RBFOX1: variants seen among roughly 807,000 people sequenced by gnomAD.
The protein encoded by RBFOX1 is RNA binding protein fox-1 homolog 1.
In RBFOX1, 8 loss-of-function variants were observed where a neutral mutation model predicts 57.7. The observed-to-expected ratio is 0.14, with a 90% CI of 0.08 to 0.25. The LOEUF (loss-of-function observed/expected upper bound fraction) is 0.25, where lower values mean the gene tolerates loss of function less well. RBFOX1 is among the 10% of genes least tolerant of loss of function. The pLI is 1.00. For missense variants in RBFOX1, 611 were observed against 548.5 expected, an observed-to-expected ratio of 1.11 and a Z score of -1.14; for synonymous variants, 326 against 222.4, an observed-to-expected ratio of 1.47 and a Z score of -4.15.
At chr16:6,756,953 C>T (rs1287600676) in intron 3 of RBFOX1, among the ~76,000 whole-genome samples, 5 of 151,644 alleles carry the variant, frequency 3.3e-5, no homozygotes, top group Non-Finnish European at 5.9e-5. Flanking sequence ...CCAGCCTGGG[C>T]ACCAAGGGCG....
chr16:5,816,703 G>T (rs759586369), intron 3 of RBFOX1, among the ~76,000 whole-genome samples: 11 of 152,120 alleles, frequency 7.2e-5, no homozygotes, highest in Admixed American at 6.6e-4. Context: ...AGGATTGTTT[G>T]AGCCTGGGAG....
At chr16:6,669,019 C>T (rs949184900) in intron 3 of RBFOX1, among the ~76,000 whole-genome samples, 1 of 151,894 alleles carries the variant, frequency 6.6e-6, no homozygotes, top group South Asian at 2.1e-4. Flanking sequence ...TTTTATTATC[C>T]CACTTCTTGA....
intron 4 of RBFOX1, among the ~76,000 whole-genome samples, chr16:5,952,531 C>T (rs2059542199): frequency 6.6e-6 from 1 of 152,114 alleles, no homozygotes; most frequent in African/African-American, 2.4e-5. Flanking sequence ...AGGTGATCTG[C>T]CCACCTTGGC....
intron 2 of RBFOX1, among the ~76,000 whole-genome samples, chr16:6,466,036 C>T (rs567921980): frequency 6.0e-4 from 91 of 152,012 alleles, no homozygotes; most frequent in African/African-American, 2.1e-3. Context: ...TGAGACCAGC[C>T]TGGTCAACAT....
At chr16:6,218,570 A>G (rs1311727221) in intron 1 of RBFOX1, among the ~76,000 whole-genome samples, 1 of 152,088 alleles carries the variant, frequency 6.6e-6, no homozygotes, top group East Asian at 1.9e-4. Context: ...TCGGCCTCCC[A>G]AAGTGCTGGG....
At chr16:5,790,881 T>G (rs1192669834) in intron 3 of RBFOX1, among the ~76,000 whole-genome samples, 4 of 151,612 alleles carry the variant, frequency 2.6e-5, no homozygotes, top group Admixed American at 6.6e-5. Flanking sequence ...TTTGTTTTTT[T>G]TTTTTGAGAC....
Position 6,917,889 on chromosome 16 carries a change from G to A in RBFOX1, c.-15-134168G>A, listed in dbSNP as rs191641345. Among the ~76,000 whole-genome samples, 416 of 152,286 alleles carry A rather than the reference G, an allele frequency of 2.7e-3. 2 individuals are homozygous for A. The highest frequency in any genetic ancestry group is 9.2e-3 in the African/African-American group (381 of 41,568). On this transcript the variant is annotated intron_variant, in intron 3 of 15. Coordinates refer to ENST00000550418, the MANE Select transcript of RBFOX1 (RefSeq NM_018723.4). ...AAATACCAAGAAACTGACACAAGTCGAAAGAGGGACAATGGAGACCTGGGT... is the reference window on the plus strand; with the variant it reads ...AAATACCAAGAAACTGACACAAGTCAAAAGAGGGACAATGGAGACCTGGGT...
chr16:7,564,947 C>A (rs574578914), intron 5 of RBFOX1, among the ~76,000 whole-genome samples: 27 of 152,260 alleles, frequency 1.8e-4, no homozygotes, highest in Admixed American at 1.2e-3. Context: ...TTTCTTAAAT[C>A]TGTGTCACCT....
chr16:5,442,945 G>C (rs889102041), intron 1 of RBFOX1, among the ~76,000 whole-genome samples: 16 of 152,156 alleles, frequency 1.1e-4, no homozygotes, highest in Admixed American at 9.2e-4. Context: ...AAGAAGAGAA[G>C]AAGACACAGA....
At chr16:7,085,220 C>T (rs1321540314) in intron 4 of RBFOX1, among the ~76,000 whole-genome samples, 1 of 152,100 alleles carries the variant, frequency 6.6e-6, no homozygotes, top group Non-Finnish European at 1.5e-5. Flanking sequence ...TGCCAAATAA[C>T]ATCTGATTCC....
intron 4 of RBFOX1, among the ~76,000 whole-genome samples, chr16:7,159,730 T>C (rs1241607450): frequency 1.3e-5 from 2 of 152,298 alleles, no homozygotes; most frequent in African/African-American, 4.8e-5. Context: ...TTGGATAGCC[T>C]GACAAGACCC....
At chr16:5,972,636 G>A (rs987264927) in intron 4 of RBFOX1, among the ~76,000 whole-genome samples, 4 of 152,200 alleles carry the variant, frequency 2.6e-5, no homozygotes, top group African/African-American at 7.2e-5. Context: ...GTTCAGGCAC[G>A]TAATGGACCA....
chr16:7,256,253 C>T (rs1453654786), intron 4 of RBFOX1, among the ~76,000 whole-genome samples: 2 of 152,160 alleles, frequency 1.3e-5, no homozygotes, highest in African/African-American at 2.4e-5. Flanking sequence ...CCCCTGCTCC[C>T]AAAAGCCAGG....
At chr16:6,332,869 C>A (rs990419505) in intron 2 of RBFOX1, among the ~76,000 whole-genome samples, 9 of 152,104 alleles carry the variant, frequency 5.9e-5, no homozygotes, top group African/African-American at 2.2e-4. Context: ...ATTGATGATG[C>A]CCATCTCTTA....
At chr16:6,823,719 A>G (rs747811198) in intron 3 of RBFOX1, among the ~76,000 whole-genome samples, 19 of 152,228 alleles carry the variant, frequency 1.2e-4, no homozygotes, top group Middle Eastern at 3.4e-3. Context: ...CATTCATTCA[A>G]TATTTACCAC....
intron 2 of RBFOX1, among the ~76,000 whole-genome samples, chr16:6,603,261 G>A (rs546162807): frequency 6.6e-6 from 1 of 152,138 alleles, no homozygotes; most frequent in Admixed American, 6.5e-5. Flanking sequence ...AGGAGAGACT[G>A]ACCCCGGGGA....
At chr16:5,990,705 C>T (rs1393838429) in intron 4 of RBFOX1, among the ~76,000 whole-genome samples, 4 of 149,396 alleles carry the variant, frequency 2.7e-5, no homozygotes, top group Non-Finnish European at 3.0e-5. Flanking sequence ...CAGTGGCTCA[C>T]GCCTGTAATC....
intron 3 of RBFOX1, among the ~76,000 whole-genome samples, chr16:6,869,519 A>G (rs2060506538): frequency 6.6e-6 from 1 of 152,052 alleles, no homozygotes; most frequent in African/African-American, 2.4e-5. Context: ...ACACATATAA[A>G]AGGGTTTTAT....
chr16:7,330,827 T>A (rs1448168335), intron 4 of RBFOX1, among the ~76,000 whole-genome samples: 3 of 152,140 alleles, frequency 2.0e-5, no homozygotes, highest in African/African-American at 7.2e-5. Flanking sequence ...TCTCCCCTCC[T>A]GTTGATTGCT....
Sources: gnomAD v4.1 joint callset for allele counts (sites outside exome capture counted in the v4.1 genomes callset) on GRCh38, gnomAD v4.1.1 for gene constraint, MANE v1.5 for transcripts, NCBI Gene and HGNC (gene_info 2026-07-23, HGNC 2026-07-21) for gene names.